The following SAMMSON variants were observed in gnomAD, a reference collection of about 807,000 sequenced individuals.
SAMMSON encodes the protein survival associated mitochondrial melanoma specific oncogenic non-coding RNA, also known as long intergenic non-protein coding RNA 1212.
intron 4 of SAMMSON, among the ~76,000 whole-genome samples, chr3:70,144,788 T>C (rs1450875786): frequency 3.3e-5 from 5 of 152,148 alleles, no homozygotes; most frequent in Non-Finnish European, 7.4e-5. Context: ...GCTCTCTCTT[T>C]GCCTGCTGCC....
chr3:70,358,958 C>G (rs1702850960), intron 9 of SAMMSON, among the ~76,000 whole-genome samples: 1 of 152,028 alleles, frequency 6.6e-6, no homozygotes, highest in African/African-American at 2.4e-5. Context: ...CTTGTGCACA[C>G]AGTGGCTCTT....
intron 4 of SAMMSON, among the ~76,000 whole-genome samples, chr3:70,240,480 A>G (rs1265773982): frequency 2.0e-5 from 3 of 152,072 alleles, no homozygotes; most frequent in East Asian, 3.9e-4. Context: ...TGGAAGTTGG[A>G]CCCTAACTAA....
chr3:70,052,737 G>A (rs1171459026), intron 3 of SAMMSON, among the ~76,000 whole-genome samples: 15 of 152,184 alleles, frequency 9.9e-5, no homozygotes, highest in Non-Finnish European at 1.3e-4. Flanking sequence ...ATTGTAGGAC[G>A]TGTAGCACCT....
intron 7 of SAMMSON, among the ~76,000 whole-genome samples, chr3:70,340,383 A>AGT (rs1322656057): frequency 3.1e-4 from 27 of 88,186 alleles, no homozygotes; most frequent in African/African-American, 9.8e-4. Context: ...ATAGAACTAA[A>AGT]GTATATATAT....
intron 4 of SAMMSON, among the ~76,000 whole-genome samples, chr3:70,100,853 G>A (rs2067342792): frequency 6.6e-6 from 1 of 152,150 alleles, no homozygotes; most frequent in Non-Finnish European, 1.5e-5. Context: ...TTAGTATGCA[G>A]ATTATTTGCC....
rs193193813 is a variant in SAMMSON at position 70,232,077 on chromosome 3, G to C, written n.508-17030G>C. ...TTTGTTATTCTGACATAATGAACTG[G>C]GAGATGTGCTTTCCAAGTGCTGAGG... On this transcript the variant is annotated intron_variant and non_coding_transcript_variant, in intron 4 of 9. Transcript: ENST00000642114. 1.5e-3 allele frequency among the ~76,000 whole-genome samples: 233 copies of C among 152,218 alleles called. 1 individual carries two copies. The highest frequency in any genetic ancestry group is 3.4e-3 in the Middle Eastern group (1 of 294).
At chr3:70,074,367 ATACT>A (rs1322311449) in intron 4 of SAMMSON, among the ~76,000 whole-genome samples, 3 of 152,104 alleles carry the variant, frequency 2.0e-5, no homozygotes, top group African/African-American at 4.8e-5. Context: ...AAATTTATTA[ATACT>A]TACTTTGATT....
At chr3:70,226,744 A>G (rs1043953110) in intron 4 of SAMMSON, among the ~76,000 whole-genome samples, 2 of 151,782 alleles carry the variant, frequency 1.3e-5, no homozygotes. Flanking sequence ...TCTTAAAAAA[A>G]AAAAAAAAAA....
At chr3:70,259,563 C>G (rs1433322662) in intron 6 of SAMMSON, among the ~76,000 whole-genome samples, 1 of 152,080 alleles carries the variant, frequency 6.6e-6, no homozygotes, top group Non-Finnish European at 1.5e-5. Context: ...TGGATTACCC[C>G]TCTGTGAAAT....
At chr3:70,032,583 T>A (rs1174854817) in intron 3 of SAMMSON, among the ~76,000 whole-genome samples, 2 of 152,218 alleles carry the variant, frequency 1.3e-5, no homozygotes, top group African/African-American at 4.8e-5. Flanking sequence ...CTGCAGATCT[T>A]ACGCTTTCTA....
At chr3:70,085,550 C>G (rs2067282234) in intron 4 of SAMMSON, among the ~76,000 whole-genome samples, 1 of 152,166 alleles carries the variant, frequency 6.6e-6, no homozygotes, top group South Asian at 2.1e-4. Flanking sequence ...CTTCCATTAC[C>G]AAGTTCACAT....
downstream of SAMMSON, among the ~76,000 whole-genome samples, chr3:70,393,984 G>T (rs1344769456): frequency 6.6e-6 from 1 of 152,188 alleles, no homozygotes; most frequent in Non-Finnish European, 1.5e-5. Flanking sequence ...ATGCGCACAA[G>T]TGTCAGACAA....
At chr3:70,155,684 A>G (rs1046230141) in intron 4 of SAMMSON, among the ~76,000 whole-genome samples, 5 of 152,086 alleles carry the variant, frequency 3.3e-5, no homozygotes, top group Admixed American at 2.6e-4. Flanking sequence ...TTCTGCTGTA[A>G]TAACATACAA....
chr3:70,359,274 C>G (rs1702853564), intron 9 of SAMMSON, among the ~76,000 whole-genome samples: 1 of 151,970 alleles, frequency 6.6e-6, no homozygotes, highest in South Asian at 2.1e-4. Flanking sequence ...TGTGAAGAAG[C>G]CCAAGTACTC....
intron 3 of SAMMSON, among the ~76,000 whole-genome samples, chr3:70,017,413 T>A (rs888926194): frequency 3.3e-5 from 5 of 152,084 alleles, no homozygotes; most frequent in African/African-American, 1.2e-4. Flanking sequence ...AGAATGCTTG[T>A]GATTTTTGCA....
intron 4 of SAMMSON, among the ~76,000 whole-genome samples, chr3:70,138,530 A>G (rs1372449387): frequency 6.6e-6 from 1 of 152,208 alleles, no homozygotes; most frequent in Non-Finnish European, 1.5e-5. Context: ...ACATTTTAAT[A>G]CTATCACCTA....
chr3:70,350,495 C>A, intron 7 of SAMMSON, among the ~76,000 whole-genome samples: 1 of 151,838 alleles, frequency 6.6e-6, no homozygotes, highest in South Asian at 2.1e-4. Flanking sequence ...CATCATGAAC[C>A]CTTTATGATA....
At chr3:70,101,331 T>A (rs1295436953) in intron 4 of SAMMSON, among the ~76,000 whole-genome samples, 1 of 152,154 alleles carries the variant, frequency 6.6e-6, no homozygotes, top group African/African-American at 2.4e-5. Flanking sequence ...TAGGTACTTA[T>A]AATTACTTAT....
intron 4 of SAMMSON, among the ~76,000 whole-genome samples, chr3:70,213,629 A>C (rs970965082): frequency 3.3e-5 from 5 of 152,104 alleles, no homozygotes; most frequent in African/African-American, 1.2e-4. Flanking sequence ...TTGAAGTGAC[A>C]CTGTATAGAG....
Sources: gnomAD v4.1 joint callset for allele counts (sites outside exome capture counted in the v4.1 genomes callset) on GRCh38, gnomAD v4.1.1 for gene constraint, MANE v1.5 for transcripts, NCBI Gene and HGNC (gene_info 2026-07-23, HGNC 2026-07-21) for gene names.